TSPAN2: variants seen among roughly 807,000 people sequenced by gnomAD.
The protein encoded by TSPAN2 is tetraspanin-2.
Under a neutral mutation model 33.3 loss-of-function variants are expected in TSPAN2, and 24 were observed. The ratio of observed to expected loss-of-function variants is 0.72; its 90% CI spans 0.52 to 1.01. The LOEUF (loss-of-function observed/expected upper bound fraction) is 1.01, where lower values mean the gene tolerates loss of function less well. TSPAN2 is among the 50% of genes least tolerant of loss of function. The pLI is 0.00. For synonymous variants in TSPAN2, 114 were observed against 104.5 expected (o/e 1.09, Z -0.56); for missense variants, 278 against 281.3 (o/e 0.99, Z 0.08).
chr1:115,053,473 GAA>G lies in TSPAN2; in HGVS notation c.517-13_517-12del, dbSNP rs1647263843. On this transcript the variant is annotated splice_polypyrimidine_tract_variant and intron_variant, in intron 6 of 7. Coordinates refer to ENST00000369516, the MANE Select transcript of TSPAN2 (RefSeq NM_005725.6). ...TTCATCGATGCAATTCTGTTTTGAG[GAA>G]AAAAAGTCGGGAATAAAAACTGATT... is the stretch of plus-strand genomic sequence containing the variant. 1 of 1,612,182 alleles carries G rather than the reference GAA, an allele frequency of 6.2e-7. No individual in the cohort carries two copies. The highest frequency in any genetic ancestry group is 8.5e-7 in the Non-Finnish European group (1 of 1,179,032).
At chr1:115,081,160 G>T (rs1282080748) in intron 1 of TSPAN2, among the ~76,000 whole-genome samples, 2 of 152,182 alleles carry the variant, frequency 1.3e-5, no homozygotes, top group East Asian at 3.9e-4. Flanking sequence ...TGAAAGTCTA[G>T]CTTGGTGCTC....
intron 2 of TSPAN2, among the ~76,000 whole-genome samples, chr1:115,062,854 G>A (rs1406559491): frequency 1.3e-5 from 2 of 152,206 alleles, no homozygotes; most frequent in Non-Finnish European, 2.9e-5. Flanking sequence ...GCGCCTCTGG[G>A]TTGCTGATGG....
chr1:115,065,208 G>T (rs143518884), intron 2 of TSPAN2, among the ~76,000 whole-genome samples: 22 of 152,300 alleles, frequency 1.4e-4, no homozygotes, highest in African/African-American at 5.1e-4. Flanking sequence ...GGTTCCCTGG[G>T]CGTGCCGGAT....
Position 115,062,171 on chromosome 1 carries a change from G to A in TSPAN2, c.234C>T (p.Cys78=), listed in dbSNP as rs771230336. ...LMMAVGFFGC[C]GAMRESQCVL... is the part of the protein sequence containing the mutation. Reference sequence around the variant, plus strand: ...CACATTGCGACTCCCGCATGGCTCCGCAGCACCCGAAGAACCCCACGGCCA... The same window carrying A: ...CACATTGCGACTCCCGCATGGCTCCACAGCACCCGAAGAACCCCACGGCCA... The change falls in exon 3 of 8, where the codon TGC becomes TGT. Residue 78 remains cysteine (C), a synonymous_variant. Transcript: ENST00000369516. 4 of 1,586,694 alleles carry A rather than the reference G, an allele frequency of 2.5e-6. No individual in the cohort carries two copies. The highest frequency in any genetic ancestry group is 1.7e-5 in the Admixed American group (1 of 57,672).
intron 4 of TSPAN2, 32 bp from the exon 5 acceptor site, chr1:115,059,013 C>T (rs1647552619): frequency 6.4e-7 from 1 of 1,551,692 alleles, no homozygotes; most frequent in Non-Finnish European, 8.9e-7. Flanking sequence ...TGAAGGACTT[C>T]TGGGTGGGAA....
chr1:115,070,760 A>T (rs1287454335), intron 2 of TSPAN2, among the ~76,000 whole-genome samples: 1 of 152,014 alleles, frequency 6.6e-6, no homozygotes, highest in Non-Finnish European at 1.5e-5. Context: ...GTTTAGAATG[A>T]CCTCTAATGC....
chr1:115,068,282 G>T (rs1648028487), intron 2 of TSPAN2, among the ~76,000 whole-genome samples: 1 of 152,182 alleles, frequency 6.6e-6, no homozygotes, highest in African/African-American at 2.4e-5. Flanking sequence ...CTTTATCACA[G>T]GAAGGGAAAC....
Position 115,089,472 on chromosome 1 carries a change from C to A in TSPAN2, c.-40G>T, listed in dbSNP as rs749057483. ...GCGGGATCCCCAGTCCCCAGGCCCG[C>A]GCTACGAGCGCGGGGAGCGGCAGGC... On this transcript the variant is annotated 5_prime_UTR_variant, in exon 1 of 8. Transcript: ENST00000369516. The A allele has an allele frequency of 5.7e-6, 8 of 1,402,938 alleles. No individual in the cohort carries two copies. The East Asian group carries it at 2.4e-4, about 42-fold the overall frequency. 86.9% of individuals were successfully genotyped at this position (1,402,938 alleles called of 1,614,324 possible).
chr1:115,073,027 G>A lies in TSPAN2; in HGVS notation c.70-20C>T. ...AGCCAGCTGGAAGGCAAACGACACT[G>A]TGTTTACAGTGGAAGGGGAAAGAGC... On this transcript the variant is annotated intron_variant, in intron 1 of 7. Coordinates refer to ENST00000369516, the MANE Select transcript of TSPAN2 (RefSeq NM_005725.6). The A allele has an allele frequency of 6.3e-7, 1 of 1,598,736 alleles. No individual in the cohort carries two copies. Among genetic ancestry groups the A allele is most frequent in the Non-Finnish European group, 8.6e-7 (1 of 1,166,066 alleles).
chr1:115,053,378 C>T lies in TSPAN2; in HGVS notation c.600+1G>A, dbSNP rs1189468216. ...AAGGGTAAGTTCTAGAACTTTCTCACCGTCAGACCTGCAATTCCAATACCG... is the reference window on the plus strand; with the variant it reads ...AAGGGTAAGTTCTAGAACTTTCTCATCGTCAGACCTGCAATTCCAATACCG... On this transcript the variant is annotated splice_donor_variant, in intron 7 of 7. Coordinates refer to ENST00000369516, the MANE Select transcript of TSPAN2 (RefSeq NM_005725.6). LOFTEE classifies it high-confidence loss of function. 3 of 1,613,768 alleles carry T rather than the reference C, an allele frequency of 1.9e-6. No individual in the cohort carries two copies. The highest frequency in any genetic ancestry group is 2.5e-6 in the Non-Finnish European group (3 of 1,179,742).
chr1:115,056,597 T>G (rs1557876434), intron 6 of TSPAN2, among the ~76,000 whole-genome samples: 1 of 152,172 alleles, frequency 6.6e-6, no homozygotes, highest in Non-Finnish European at 1.5e-5. Flanking sequence ...AAGATTTAGC[T>G]GAGACATCAT....
At position 115,060,490 on chromosome 1, in the gene TSPAN2, C is replaced by T; in HGVS notation, c.319G>A (p.Val107Ile). 2 of 1,613,574 alleles carry T rather than the reference C, an allele frequency of 1.2e-6. No homozygotes were observed. Among genetic ancestry groups the T allele is most frequent in the African/African-American group, 1.3e-5 (1 of 75,054 alleles). ...VIFAAEVTTG[V>I]FAFIGKGVAI... ...ACCCCCTTGCCTATAAAAGCAAATA[C>T]TCCAGTGGTTACTTCAGCAGCAAAT... The change falls in exon 4 of 8, where the codon GTA (valine) becomes ATA (isoleucine). Residue 107 changes from valine to isoleucine, a missense_variant. By Grantham distance (29) the Val-to-Ile change is conservative. Coordinates refer to ENST00000369516, the MANE Select transcript of TSPAN2 (RefSeq NM_005725.6).
At chr1:115,085,379 G>C (rs1324441526) in intron 1 of TSPAN2, among the ~76,000 whole-genome samples, 1 of 152,210 alleles carries the variant, frequency 6.6e-6, no homozygotes, top group Non-Finnish European at 1.5e-5. Flanking sequence ...TATGAAACCA[G>C]GAGCACAGCC....
rs898017739 is a variant in TSPAN2, at chr1:115,061,668, T to C, written c.270+467A>G. Reference sequence around the variant, plus strand: ...TATAAGGCAGGAACAAAGATAATATTTTTTTTCTTTTTTCTTTTTTCAAGA... The same window carrying C: ...TATAAGGCAGGAACAAAGATAATATCTTTTTTCTTTTTTCTTTTTTCAAGA... On this transcript the variant is annotated intron_variant, in intron 3 of 7. Transcript: ENST00000369516. Among the ~76,000 whole-genome samples the C allele has an allele frequency of 3.3e-5, 5 of 152,282 alleles. 1 individual carries two copies. The highest frequency in any genetic ancestry group is 7.4e-5 in the Non-Finnish European group (5 of 68,024).
intron 2 of TSPAN2, among the ~76,000 whole-genome samples, chr1:115,066,844 A>C (rs1171702361): frequency 2.6e-5 from 4 of 152,246 alleles, no homozygotes; most frequent in Non-Finnish European, 4.4e-5. Context: ...TGTTTGCATT[A>C]CACTGGTTGA....
intron 1 of TSPAN2, among the ~76,000 whole-genome samples, chr1:115,081,723 G>GT (rs1219834620): frequency 6.6e-6 from 1 of 152,220 alleles, no homozygotes; most frequent in African/African-American, 2.4e-5. Flanking sequence ...ACTGAGAACA[G>GT]TAAGTGCCTC....
At chr1:115,060,972 A>G (rs1003480165) in intron 3 of TSPAN2, among the ~76,000 whole-genome samples, 1 of 152,158 alleles carries the variant, frequency 6.6e-6, no homozygotes, top group Non-Finnish European at 1.5e-5. Context: ...CGGCCTGGGC[A>G]TGGGGAAGGG....
In TSPAN2 at chr1:115,053,446, A is replaced by G; in HGVS notation, c.533T>C (p.Ile178Thr). Reference sequence around the variant, plus strand: ...GAGCTTAACACTGATTATGGTCTCAATTTCATCGATGCAATTCTGTTTTGA... The same window carrying G: ...GAGCTTAACACTGATTATGGTCTCAGTTTCATCGATGCAATTCTGTTTTGA... ...LLGHKNCIDEIETIISVKLQL... is the reference protein window; with the variant it reads ...LLGHKNCIDETETIISVKLQL... Residue 178 changes from isoleucine (I) to threonine (T), a missense_variant, in exon 7 of 8, where the codon ATT (isoleucine) becomes ACT (threonine). By Grantham distance (89) the Ile-to-Thr change is moderately conservative. Coordinates refer to ENST00000369516, the MANE Select transcript of TSPAN2 (RefSeq NM_005725.6). 6.2e-7 allele frequency: 1 copy of G among 1,613,902 alleles called. No homozygotes were observed. Among genetic ancestry groups the G allele is most frequent in the Non-Finnish European group, 8.5e-7 (1 of 1,179,848 alleles).
At position 115,053,376 on chromosome 1, in the gene TSPAN2, C is replaced by T. The variant is rs1647261398; in HGVS notation, c.600+3G>A. 6.2e-7 allele frequency: 1 copy of T among 1,613,654 alleles called. No individual in the cohort carries two copies. The highest frequency in any genetic ancestry group is 8.5e-7 in the Non-Finnish European group (1 of 1,179,738). ...AAAAGGGTAAGTTCTAGAACTTTCT[C>T]ACCGTCAGACCTGCAATTCCAATAC... On this transcript the variant is annotated splice_donor_region_variant and intron_variant, in intron 7 of 7. Transcript: ENST00000369516.
Sources: allele counts gnomAD v4.1 joint callset (sites outside exome capture counted in the v4.1 genomes callset), GRCh38; gene constraint gnomAD v4.1.1; transcripts MANE v1.5; gene names NCBI Gene and HGNC (gene_info 2026-07-23, HGNC 2026-07-21).